Variants in HDAC4 observed in about 807,000 individuals in gnomAD.
HDAC4 encodes histone deacetylase 4, also known as histone deacetylase A.
In HDAC4, 16 loss-of-function variants were observed where a neutral mutation model predicts 135.1. The ratio of observed to expected loss-of-function variants is 0.12; its 90% CI spans 0.08 to 0.18. The LOEUF (loss-of-function observed/expected upper bound fraction) is 0.18. Ranked by LOEUF, HDAC4 falls within the 10% of genes least tolerant of loss-of-function variation. The pLI, the probability that HDAC4 is intolerant of heterozygous loss-of-function variation, is 1.00. For synonymous variants in HDAC4, 685 were observed against 653.4 expected, an observed-to-expected ratio of 1.05 and a Z score of -0.74; for missense variants, 1,143 against 1,511.8, an observed-to-expected ratio of 0.76 and a Z score of 4.05.
At chr2:239,109,563 A>G (rs1456016928) in intron 14 of HDAC4, among the ~76,000 whole-genome samples, 1 of 151,520 alleles carries the variant, frequency 6.6e-6, no homozygotes, top group African/African-American at 2.4e-5. Flanking sequence ...CACTTGAGGA[A>G]TTCTGGAGGT....
intron 2 of HDAC4, among the ~76,000 whole-genome samples, chr2:239,347,766 C>G (rs4852050): frequency 1.3e-5 from 2 of 152,062 alleles, no homozygotes; most frequent in African/African-American, 2.4e-5. Flanking sequence ...CTGCCCACCT[C>G]GGCCTCTCAA....
chr2:239,230,639 G>A (rs570057017), intron 3 of HDAC4, among the ~76,000 whole-genome samples: 5 of 152,204 alleles, frequency 3.3e-5, no homozygotes, highest in Non-Finnish European at 5.9e-5. Flanking sequence ...AGAGATGGCC[G>A]TGGGTCCTTC....
At chr2:239,073,551 C>T (rs957772157) in intron 22 of HDAC4, among the ~76,000 whole-genome samples, 1 of 152,238 alleles carries the variant, frequency 6.6e-6, no homozygotes. Flanking sequence ...CAGGACTTGG[C>T]CCACCAGCTG....
intron 8 of HDAC4, among the ~76,000 whole-genome samples, chr2:239,143,817 G>A (rs537014385): frequency 6.6e-6 from 1 of 152,346 alleles, no homozygotes; most frequent in South Asian, 2.1e-4. Flanking sequence ...CACCTACCAT[G>A]AGCCTTGGCC....
chr2:239,395,196 G>A (rs1052979460), intron 1 of HDAC4, among the ~76,000 whole-genome samples: 1 of 152,226 alleles, frequency 6.6e-6, no homozygotes. Context: ...AACACAGCAA[G>A]TGCTATCAGA....
intron 2 of HDAC4, among the ~76,000 whole-genome samples, chr2:239,238,400 C>T (rs1398705182): frequency 1.3e-5 from 2 of 151,938 alleles, no homozygotes; most frequent in Non-Finnish European, 2.9e-5. Context: ...AATGTAGCTG[C>T]AGTTTTCCAA....
At chr2:239,279,696 G>A (rs1189826127) in intron 2 of HDAC4, among the ~76,000 whole-genome samples, 1 of 152,184 alleles carries the variant, frequency 6.6e-6, no homozygotes, top group Non-Finnish European at 1.5e-5. Context: ...CCTGAGAGCA[G>A]GGGACCTGGG....
At position 239,400,909 on chromosome 2, in the gene HDAC4, C is replaced by G. The variant is rs957975197; in HGVS notation, c.-220+69G>C. The G allele has an allele frequency of 6.7e-5, 10 of 148,440 alleles. No individual in the cohort carries two copies. The highest frequency in any genetic ancestry group is 6.1e-4 in the Admixed American group (9 of 14,820). The allele number at this position is 148,440 out of a possible 1,614,324, so 9.2% of individuals were successfully genotyped here. A position where few individuals can be genotyped will look rare whatever the true frequency, so the allele number is the denominator to read the frequency against. ...CGGGCTCGGGCTCGGGCTCGGGCGG[C>G]GGCGGGGACGGTGCTCCGCGGCGGC... On this transcript the variant is annotated intron_variant, in intron 1 of 26. Transcript: ENST00000543185. The surrounding 1 kb of genome is among the most constrained non-coding windows in gnomAD (Gnocchi z 4.7).
intron 2 of HDAC4, among the ~76,000 whole-genome samples, chr2:239,311,273 G>A (rs148628280): frequency 2.4e-4 from 36 of 152,310 alleles, no homozygotes; most frequent in Non-Finnish European, 4.0e-4. Context: ...GTCCCCTGCT[G>A]TGTCACTGGC....
intron 2 of HDAC4, among the ~76,000 whole-genome samples, chr2:239,336,886 G>C (rs1316833732): frequency 6.6e-6 from 1 of 152,204 alleles, no homozygotes; most frequent in Non-Finnish European, 1.5e-5. Flanking sequence ...ATCCCATCCA[G>C]GAATTCCACA....
intron 4 of HDAC4, among the ~76,000 whole-genome samples, chr2:239,185,195 C>T (rs1191690398): frequency 6.6e-6 from 1 of 151,812 alleles, no homozygotes; most frequent in Non-Finnish European, 1.5e-5. Flanking sequence ...AGAGGTGCAC[C>T]CCATGGGGTG....
intron 2 of HDAC4, among the ~76,000 whole-genome samples, chr2:239,343,722 C>CT (rs1243270236): frequency 1.3e-5 from 2 of 152,208 alleles, no homozygotes; most frequent in African/African-American, 4.8e-5. Flanking sequence ...CTCACACAAG[C>CT]AGACAGGCTC....
chr2:239,280,282 A>G (rs1443697794), intron 2 of HDAC4, among the ~76,000 whole-genome samples: 1 of 152,192 alleles, frequency 6.6e-6, no homozygotes, highest in Admixed American at 6.5e-5. Context: ...CGTACTCCCG[A>G]GACGCTGTGT....
At chr2:239,149,587 T>A (rs767981295) in intron 7 of HDAC4, among the ~76,000 whole-genome samples, 1 of 152,158 alleles carries the variant, frequency 6.6e-6, no homozygotes, top group Non-Finnish European at 1.5e-5. Flanking sequence ...CCGCCTCACG[T>A]GCCCTGCGTG....
At position 239,349,879 on chromosome 2, in the gene HDAC4, AC is replaced by A. The variant is rs1692995670; in HGVS notation, c.22+2798del. 6.6e-6 allele frequency among the ~76,000 whole-genome samples: 1 copy of A among 152,200 alleles called. No individual in the cohort carries two copies. Among genetic ancestry groups the A allele is most frequent in the Non-Finnish European group, 1.5e-5 (1 of 68,030 alleles). ...TGGGCCAAGGGGCAGCCCTGCCCTC[AC>A]CAGTGCGGCCTGTCTTCAGCCTCCA... On this transcript the variant is annotated intron_variant, in intron 2 of 26. Transcript: ENST00000543185. The surrounding 1 kb of genome is among the most constrained non-coding windows in gnomAD (Gnocchi z 5.7).
intron 5 of HDAC4, among the ~76,000 whole-genome samples, chr2:239,168,670 C>G (rs955877636): frequency 1.2e-4 from 19 of 152,328 alleles, no homozygotes; most frequent in African/African-American, 4.6e-4. Flanking sequence ...GCTCCTCCAG[C>G]CTGCACAGAC....
At chr2:239,324,438 A>C (rs1296762282) in intron 2 of HDAC4, among the ~76,000 whole-genome samples, 1 of 152,228 alleles carries the variant, frequency 6.6e-6, no homozygotes, top group African/African-American at 2.4e-5. Flanking sequence ...AAAGTAAATA[A>C]ATCCTACTCC....
upstream of HDAC4, chr2:239,401,649 C>T (rs1697010785): frequency 3.8e-6 from 1 of 262,698 alleles, no homozygotes; most frequent in Non-Finnish European, 7.5e-6. Context: ...TGGATACTGG[C>T]AGTGGGTCAC....
At chr2:239,214,870 G>A (rs935560416) in intron 3 of HDAC4, among the ~76,000 whole-genome samples, 17 of 152,220 alleles carry the variant, frequency 1.1e-4, no homozygotes, top group African/African-American at 4.1e-4. Flanking sequence ...TAGGAGTCAA[G>A]GGGACTCTTG....
Sources: allele counts gnomAD v4.1 joint callset (sites outside exome capture counted in the v4.1 genomes callset), GRCh38; gene constraint gnomAD v4.1.1; non-coding constraint Gnocchi (gnomAD v3.1); transcripts MANE v1.5; gene names NCBI Gene and HGNC (gene_info 2026-07-23, HGNC 2026-07-21).